CAPZA2: variants seen among roughly 807,000 people sequenced by gnomAD.
The protein encoded by CAPZA2 is F-actin-capping protein subunit alpha-2.
A neutral mutation model predicts 44.0 loss-of-function variants in CAPZA2; 13 were observed. The ratio of observed to expected loss-of-function variants is 0.30; its 90% CI spans 0.19 to 0.47. The LOEUF (loss-of-function observed/expected upper bound fraction) is 0.47, where lower values mean the gene tolerates loss of function less well. Among genes scored for constraint, CAPZA2 ranks in the 20% least tolerant of loss-of-function variants. The probability of loss-of-function intolerance (pLI) is 1.00; values close to 1 mark genes in which losing one functional copy is unlikely to be tolerated. For missense variants in CAPZA2, 244 were observed against 338.6 expected, an observed-to-expected ratio of 0.72 and a Z score of 2.19; for synonymous variants, 94 against 108.2, an observed-to-expected ratio of 0.87 and a Z score of 0.81.
At chr7:116,886,061 T>C (rs545841683) in intron 1 of CAPZA2, 3 of 154,846 alleles carry the variant, frequency 1.9e-5, no homozygotes, top group African/African-American at 7.2e-5. Flanking sequence ...TGAAGCAGAA[T>C]CTATGATTGA....
chr7:116,918,316 AT>A lies in CAPZA2; in HGVS notation c.*451del, dbSNP rs1248030038. 1 of 155,470 alleles carries A rather than the reference AT, an allele frequency of 6.4e-6. No individual in the cohort carries two copies. Among genetic ancestry groups the A allele is most frequent in the Non-Finnish European group, 1.4e-5 (1 of 69,638 alleles). 9.6% of individuals were successfully genotyped at this position (155,470 alleles called of 1,614,324 possible). ...TTTAGCCATATATGCTGCTAAAGAA[AT>A]TGTCTACCTTTTCTTCCTCACCTGT... is the stretch of plus-strand genomic sequence containing the variant. On this transcript the variant is annotated 3_prime_UTR_variant, in exon 10 of 10. Transcript: ENST00000361183.
Position 116,906,336 on chromosome 7 carries a change from A to C in CAPZA2, c.500A>C (p.Asn167Thr), listed in dbSNP as rs778331260. Reference sequence around the variant, plus strand: ...GAAAGCCATCAGTTCCAAGCAAAAAATTTTTGGTAAGTTAAAATTTTGGAT... The same window carrying C: ...GAAAGCCATCAGTTCCAAGCAAAAACTTTTTGGTAAGTTAAAATTTTGGAT... ...CIESHQFQAK[N>T]FWNGRWRSEW... The change falls in exon 6 of 10, where the codon AAT (asparagine) becomes ACT (threonine). Residue 167 changes from asparagine (N) to threonine (T), a missense_variant. Physicochemically the swap from Asn to Thr is moderately conservative, Grantham distance 65. Transcript: ENST00000361183. 1 of 1,610,344 alleles carries C rather than the reference A, an allele frequency of 6.2e-7. No individual in the cohort carries two copies. The highest frequency in any genetic ancestry group is 1.3e-5 in the African/African-American group (1 of 74,586).
At chr7:116,910,660 A>G (rs1194965530) in intron 7 of CAPZA2, among the ~76,000 whole-genome samples, 1 of 152,172 alleles carries the variant, frequency 6.6e-6, no homozygotes, top group East Asian at 1.9e-4. Context: ...GAAGTATCAT[A>G]TTAATATATG....
rs553526012 is a variant in CAPZA2, at chr7:116,911,676, T to A, written c.586-393T>A. Reference sequence around the variant, plus strand: ...AGCAGTGTTTACAGCACTCATTCAGTGTTTGTTGAGTAAATTCATGTCTGA... The same window carrying A: ...AGCAGTGTTTACAGCACTCATTCAGAGTTTGTTGAGTAAATTCATGTCTGA... On this transcript the variant is annotated intron_variant, in intron 7 of 9. Coordinates refer to ENST00000361183, the MANE Select transcript of CAPZA2 (RefSeq NM_006136.3). 5.9e-5 allele frequency among the ~76,000 whole-genome samples: 9 copies of A among 152,206 alleles called. No homozygotes were observed. In the South Asian group the frequency reaches 1.9e-3, roughly 32 times the overall value.
intron 1 of CAPZA2, chr7:116,873,369 T>C (rs1796576011): frequency 6.6e-6 from 1 of 152,246 alleles, no homozygotes. Context: ...GCACATACAT[T>C]GTCTGCTTTT....
intron 1 of CAPZA2, among the ~76,000 whole-genome samples, chr7:116,885,348 CACTCAGCACA>C (rs1423740654): frequency 6.6e-6 from 1 of 151,578 alleles, no homozygotes; most frequent in Non-Finnish European, 1.5e-5. Flanking sequence ...TGTATTCTCC[CACTCAGCACA>C]ACAATCAACA....
At chr7:116,880,597 G>C (rs577397255) in intron 1 of CAPZA2, among the ~76,000 whole-genome samples, 1 of 147,692 alleles carries the variant, frequency 6.8e-6, no homozygotes, top group Non-Finnish European at 1.5e-5. Context: ...GTTTTTTACC[G>C]TGTTGGGCAG....
intron 6 of CAPZA2, 32 bp downstream of exon 6, chr7:116,906,374 T>G (rs768183709): frequency 1.9e-6 from 3 of 1,607,768 alleles, no homozygotes; most frequent in Admixed American, 1.7e-5. Flanking sequence ...TGGGGAGTTT[T>G]GGCATTGTTT....
intron 4 of CAPZA2, among the ~76,000 whole-genome samples, chr7:116,900,352 A>G (rs1796980276): frequency 6.6e-6 from 1 of 151,714 alleles, no homozygotes; most frequent in Admixed American, 6.6e-5. Context: ...TATTTGTGAC[A>G]TGATTTATAT....
At chr7:116,913,532 G>C (rs573884919) in intron 8 of CAPZA2, among the ~76,000 whole-genome samples, 1 of 151,576 alleles carries the variant, frequency 6.6e-6, no homozygotes, top group Non-Finnish European at 1.5e-5. Flanking sequence ...TTTTGAACTT[G>C]GTTTTATTTC....
At chr7:116,881,595 C>A (rs933238535) in intron 1 of CAPZA2, among the ~76,000 whole-genome samples, 2 of 151,592 alleles carry the variant, frequency 1.3e-5, no homozygotes, top group Non-Finnish European at 2.9e-5. Flanking sequence ...AAAAATTAGC[C>A]GGGCGTGGTG....
In CAPZA2 at chr7:116,867,520, A is replaced by T. The variant is rs1165449557; in HGVS notation, c.39+4870A>T. 3.3e-5 allele frequency among the ~76,000 whole-genome samples: 5 copies of T among 151,358 alleles called. No homozygotes were observed. In the South Asian group the frequency reaches 1.0e-3, roughly 32 times the overall value. On this transcript the variant is annotated intron_variant, in intron 1 of 9. Coordinates refer to ENST00000361183, the MANE Select transcript of CAPZA2 (RefSeq NM_006136.3). ...TCTGACATTTTCAATACGTATTGTT[A>T]CTTAATCGTGCTGTGAATTTAGAGA...
intron 1 of CAPZA2, chr7:116,886,177 TC>T (rs1371957814): frequency 6.5e-6 from 1 of 154,804 alleles, no homozygotes; most frequent in Non-Finnish European, 1.5e-5. Flanking sequence ...TCCCAAAAAT[TC>T]TATGAGCTAG....
intron 6 of CAPZA2, chr7:116,906,645 C>A: frequency 4.0e-6 from 1 of 252,660 alleles, no homozygotes; most frequent in South Asian, 1.2e-4. Context: ...TGTGAAGGGG[C>A]TGTTCCTGAA....
At chr7:116,862,777 T>A in intron 1 of CAPZA2, 127 bp downstream of exon 1, 1 of 1,053,852 alleles carries the variant, frequency 9.5e-7, no homozygotes. Context: ...CTGCCCTTCC[T>A]CCCCCATCCT....
chr7:116,872,083 T>G (rs116355721), intron 1 of CAPZA2, among the ~76,000 whole-genome samples: 160 of 152,294 alleles, frequency 1.1e-3, no homozygotes, highest in African/African-American at 2.8e-3. Context: ...AGGGGCTCAA[T>G]AAATGTTGAC....
rs1159156508 is a variant in CAPZA2, at chr7:116,910,344, A to G, written c.585+33A>G. ...AAATAATTTGTTTACTGATCTTTAG[A>G]TGATTCTGAACAGAGAAACAACTAA... On this transcript the variant is annotated intron_variant, in intron 7 of 9. Coordinates refer to ENST00000361183, the MANE Select transcript of CAPZA2 (RefSeq NM_006136.3). 3 of 1,013,288 alleles carry G rather than the reference A, an allele frequency of 3.0e-6. No homozygotes were observed. In the South Asian group the frequency reaches 3.8e-5, roughly 13 times the overall value. 62.8% of individuals were successfully genotyped at this position (1,013,288 alleles called of 1,614,324 possible). A position where few individuals can be genotyped will look rare whatever the true frequency, so the allele number is the denominator to read the frequency against.
chr7:116,914,807 C>T (rs1023114604), intron 8 of CAPZA2, among the ~76,000 whole-genome samples: 1 of 152,194 alleles, frequency 6.6e-6, no homozygotes, highest in Non-Finnish European at 1.5e-5. Context: ...GTGATTTCTG[C>T]TTTGACCTAA....
chr7:116,884,177 T>C (rs948012005), intron 1 of CAPZA2, among the ~76,000 whole-genome samples: 1 of 152,238 alleles, frequency 6.6e-6, no homozygotes, highest in Non-Finnish European at 1.5e-5. Flanking sequence ...TTGCTATTTA[T>C]ACTTTACATT....
Sources: allele counts gnomAD v4.1 joint callset (sites outside exome capture counted in the v4.1 genomes callset), GRCh38; gene constraint gnomAD v4.1.1; transcripts MANE v1.5; gene names NCBI Gene and HGNC (gene_info 2026-07-23, HGNC 2026-07-21).